The following TPRG1 variants were observed in gnomAD, a reference collection of about 807,000 sequenced individuals.
TPRG1 encodes the protein tumor protein p63-regulated gene 1 protein.
A neutral mutation model predicts 29.3 loss-of-function variants in TPRG1; 29 were observed. The observed-to-expected ratio is 0.99, with a 90% CI of 0.74 to 1.35. The LOEUF is 1.35. Ranked by LOEUF, TPRG1 falls within the 40% of genes most tolerant of loss-of-function variation. The pLI, the probability that TPRG1 is intolerant of heterozygous loss-of-function variation, is 0.00. For synonymous variants in TPRG1, 130 were observed against 116.8 expected (o/e 1.11, Z -0.73); for missense variants, 327 against 335.0 (o/e 0.98, Z 0.19).
intron 1 of TPRG1, among the ~76,000 whole-genome samples, chr3:189,194,290 T>A (rs1386778154): frequency 6.6e-6 from 1 of 152,176 alleles, no homozygotes; most frequent in Non-Finnish European, 1.5e-5. Context: ...TTGGGGTTCT[T>A]CTCTCCTTAC....
chr3:189,112,558 T>A (rs1375329310), intron 1 of TPRG1, among the ~76,000 whole-genome samples: 4 of 152,172 alleles, frequency 2.6e-5, no homozygotes, highest in Admixed American at 2.0e-4. Flanking sequence ...TTGTATAAGG[T>A]GTAAGGAAGG....
intron 4 of TPRG1, among the ~76,000 whole-genome samples, chr3:189,299,075 ATT>A (rs1321743272): frequency 6.9e-6 from 1 of 144,766 alleles, no homozygotes; most frequent in Non-Finnish European, 1.5e-5. Flanking sequence ...TTTTCTGAGA[ATT>A]TTTTTTTTTT....
chr3:189,311,156 G>A (rs1255225039), intron 5 of TPRG1, among the ~76,000 whole-genome samples: 1 of 152,086 alleles, frequency 6.6e-6, no homozygotes, highest in Non-Finnish European at 1.5e-5. Context: ...CCTCCCCCAG[G>A]CATCTAAAGC....
At chr3:189,314,545 G>A (rs546327704) in intron 5 of TPRG1, among the ~76,000 whole-genome samples, 1 of 152,142 alleles carries the variant, frequency 6.6e-6, no homozygotes, top group South Asian at 2.1e-4. Flanking sequence ...TGGTCAAATG[G>A]CCTTTTCCCA....
At chr3:189,257,052 G>T (rs1386521000) in intron 4 of TPRG1, among the ~76,000 whole-genome samples, 2 of 152,146 alleles carry the variant, frequency 1.3e-5, no homozygotes, top group African/African-American at 4.8e-5. Flanking sequence ...TCATTATAAT[G>T]CTAGCTGGTT....
At chr3:189,206,481 C>T (rs532907755) in intron 1 of TPRG1, among the ~76,000 whole-genome samples, 4 of 147,674 alleles carry the variant, frequency 2.7e-5, no homozygotes, top group Non-Finnish European at 3.0e-5. Flanking sequence ...CTATTAGATG[C>T]GGTGTTGTGA....
intron 5 of TPRG1, among the ~76,000 whole-genome samples, chr3:189,315,284 G>A (rs892772316): frequency 1.0e-5 from 1 of 100,184 alleles, no homozygotes; most frequent in African/African-American, 3.9e-5. Flanking sequence ...AGAATTGTGT[G>A]TGTGTGTGTG....
chr3:189,292,881 A>T (rs1183112475), intron 4 of TPRG1, among the ~76,000 whole-genome samples: 1 of 152,102 alleles, frequency 6.6e-6, no homozygotes, highest in Non-Finnish European at 1.5e-5. Context: ...ATTGTTTAGA[A>T]AGGTGTCCTT....
intron 1 of TPRG1, among the ~76,000 whole-genome samples, chr3:188,999,275 G>A (rs1167789475): frequency 1.3e-5 from 2 of 152,172 alleles, no homozygotes; most frequent in African/African-American, 4.8e-5. Flanking sequence ...TAAATGGGGT[G>A]GTGGTGAGGG....
chr3:189,094,183 A>T (rs972432750), intron 4 of TPRG1, among the ~76,000 whole-genome samples: 1 of 152,144 alleles, frequency 6.6e-6, no homozygotes, highest in African/African-American at 2.4e-5. Flanking sequence ...TTGGGAACAG[A>T]GTGCTAAAAC....
chr3:189,127,976 G>A (rs2108523341), intron 2 of TPRG1, among the ~76,000 whole-genome samples: 1 of 152,264 alleles, frequency 6.6e-6, no homozygotes, highest in Middle Eastern at 3.4e-3. Context: ...GTCCCAAGAG[G>A]TGGGCTCCTA....
At chr3:189,273,163 G>A (rs529389771) in intron 4 of TPRG1, among the ~76,000 whole-genome samples, 1 of 152,222 alleles carries the variant, frequency 6.6e-6, no homozygotes, top group East Asian at 1.9e-4. Flanking sequence ...ATTTTATTCT[G>A]TAGCTATACA....
chr3:189,122,999 G>C (rs756538219), intron 1 of TPRG1, among the ~76,000 whole-genome samples: 1 of 152,160 alleles, frequency 6.6e-6, no homozygotes, highest in Non-Finnish European at 1.5e-5. Context: ...CTTGTATCAG[G>C]GAGAATGAAA....
chr3:189,163,990 A>G (rs1459154747), intron 5 of TPRG1, among the ~76,000 whole-genome samples: 1 of 151,366 alleles, frequency 6.6e-6, no homozygotes, highest in Non-Finnish European at 1.5e-5. Context: ...AACTTTTTGC[A>G]TAATAAACAA....
At chr3:189,250,507 C>CA (rs1742024850) in intron 4 of TPRG1, among the ~76,000 whole-genome samples, 1 of 77,250 alleles carries the variant, frequency 1.3e-5, no homozygotes, top group African/African-American at 6.1e-5. Context: ...GATTTCCGCC[C>CA]CCCCCCCCCC....
intron 1 of TPRG1, among the ~76,000 whole-genome samples, chr3:189,189,579 T>A (rs1378327930): frequency 6.6e-6 from 1 of 152,238 alleles, no homozygotes; most frequent in Non-Finnish European, 1.5e-5. Context: ...TCTTTTCACA[T>A]GTACAAGTAC....
intron 2 of TPRG1, among the ~76,000 whole-genome samples, chr3:189,003,050 C>G (rs1221797148): frequency 6.6e-6 from 1 of 152,068 alleles, no homozygotes; most frequent in Non-Finnish European, 1.5e-5. Flanking sequence ...GAAATATGAG[C>G]TCGGCTTAAC....
chr3:189,158,912 A>T (rs76427563), intron 5 of TPRG1, among the ~76,000 whole-genome samples: 2,471 of 151,184 alleles, frequency 0.016, 30 homozygotes, highest in Middle Eastern at 0.034. Context: ...CAAAGAGCTC[A>T]TCAAGTTTTT....
At chr3:189,294,274 A>T (rs543962642) in intron 4 of TPRG1, among the ~76,000 whole-genome samples, 1 of 135,166 alleles carries the variant, frequency 7.4e-6, no homozygotes, top group South Asian at 2.3e-4. Flanking sequence ...TCACCTCTGC[A>T]GTGATATGGA....
Sources: gnomAD v4.1 joint callset for allele counts (sites outside exome capture counted in the v4.1 genomes callset) on GRCh38, gnomAD v4.1.1 for gene constraint, MANE v1.5 for transcripts, NCBI Gene and HGNC (gene_info 2026-07-23, HGNC 2026-07-21) for gene names.